RGS7BP: variants seen among roughly 807,000 people sequenced by gnomAD.
RGS7BP encodes the protein regulator of G protein signaling 7 binding protein, also known as regulator of G protein signaling 7-binding protein.
Under a neutral mutation model 31.3 loss-of-function variants are expected in RGS7BP, and 9 were observed. The observed-to-expected ratio is 0.29, with a 90% CI of 0.17 to 0.50. The LOEUF (loss-of-function observed/expected upper bound fraction) is 0.50, where lower values mean the gene tolerates loss of function less well. RGS7BP is among the 20% of genes least tolerant of loss of function. RGS7BP has a pLI of 0.98. For synonymous variants in RGS7BP, 115 were observed against 120.1 expected (o/e 0.96, Z 0.28); for missense variants, 274 against 322.0 (o/e 0.85, Z 1.14).
intron 2 of RGS7BP, among the ~76,000 whole-genome samples, chr5:64,571,645 C>G (rs1742304339): frequency 6.6e-6 from 1 of 151,920 alleles, no homozygotes; most frequent in Non-Finnish European, 1.5e-5. Flanking sequence ...CTTTTTGAAC[C>G]ACAAAATAAG....
chr5:64,556,417 C>CCCCACACACA (rs1554055931), intron 2 of RGS7BP, among the ~76,000 whole-genome samples: 1 of 125,398 alleles, frequency 8.0e-6, no homozygotes, highest in African/African-American at 3.0e-5. Context: ...TCTTCCCCAG[C>CCCCACACACA]CACACACACA....
chr5:64,517,196 A>C (rs1389596661), intron 2 of RGS7BP, among the ~76,000 whole-genome samples: 1 of 152,134 alleles, frequency 6.6e-6, no homozygotes, highest in Non-Finnish European at 1.5e-5. Context: ...AGAAGGAGGA[A>C]GAAAAGAGGA....
chr5:64,507,884 G>C lies in RGS7BP; in HGVS notation c.332+7G>C. ...AATTGGCTGCCATCTCAGGGTAGGAGACTCGGCATTATTTGGTAATCCATA... is the reference window on the plus strand; with the variant it reads ...AATTGGCTGCCATCTCAGGGTAGGACACTCGGCATTATTTGGTAATCCATA... On this transcript the variant is annotated splice_region_variant and intron_variant, in intron 2 of 5. Coordinates refer to ENST00000334025, the MANE Select transcript of RGS7BP (RefSeq NM_001029875.3). 6.2e-7 allele frequency: 1 copy of C among 1,608,816 alleles called. No homozygotes were observed. Among genetic ancestry groups the C allele is most frequent in the Non-Finnish European group, 8.5e-7 (1 of 1,177,186 alleles).
At chr5:64,556,462 A>AC (rs1741930881) in intron 2 of RGS7BP, among the ~76,000 whole-genome samples, 2 of 140,870 alleles carry the variant, frequency 1.4e-5, no homozygotes, top group South Asian at 2.4e-4. Flanking sequence ...CACACACACA[A>AC]AATTGGCTTC....
At chr5:64,524,872 G>A (rs914307680) in intron 2 of RGS7BP, among the ~76,000 whole-genome samples, 8 of 151,984 alleles carry the variant, frequency 5.3e-5, no homozygotes, top group African/African-American at 1.9e-4. Context: ...ATCCAGGCAC[G>A]GGGCTTGTCT....
Position 64,610,761 on chromosome 5 carries a change from A to G in RGS7BP, c.*1509A>G, listed in dbSNP as rs1743482468. Reference sequence around the variant, plus strand: ...AATTATATGAAATTTCCTATATGTGACTGTTTTGACCTACAAAATGGCAAT... The same window carrying G: ...AATTATATGAAATTTCCTATATGTGGCTGTTTTGACCTACAAAATGGCAAT... On this transcript the variant is annotated 3_prime_UTR_variant, in exon 6 of 6. Coordinates refer to ENST00000334025, the MANE Select transcript of RGS7BP (RefSeq NM_001029875.3). 2 of 151,964 alleles carry G rather than the reference A, an allele frequency of 1.3e-5. No homozygotes were observed. Among genetic ancestry groups the G allele is most frequent in the Non-Finnish European group, 2.9e-5 (2 of 67,928 alleles). 9.4% of individuals were successfully genotyped at this position (151,964 alleles called of 1,614,324 possible).
At chr5:64,544,157 A>T (rs190937784) in intron 2 of RGS7BP, among the ~76,000 whole-genome samples, 5 of 152,228 alleles carry the variant, frequency 3.3e-5, no homozygotes, top group African/African-American at 7.2e-5. Context: ...CAGGCATTGT[A>T]TTAAGCACCG....
In RGS7BP at chr5:64,575,666, G is replaced by C; in HGVS notation, c.333-108G>C. On this transcript the variant is annotated intron_variant, in intron 2 of 5. Coordinates refer to ENST00000334025, the MANE Select transcript of RGS7BP (RefSeq NM_001029875.3). ...GGAAGTCCTATATTTTAGGATCAAGGCTTTAAGGAATCTTTATTGAGCATT... is the reference window on the plus strand; with the variant it reads ...GGAAGTCCTATATTTTAGGATCAAGCCTTTAAGGAATCTTTATTGAGCATT... The C allele has an allele frequency of 2.1e-6, 3 of 1,452,466 alleles. No individual in the cohort carries two copies. In the South Asian group the frequency reaches 4.6e-5, roughly 22 times the overall value. The allele number at this position is 1,452,466 out of a possible 1,614,324, so 90.0% of individuals were successfully genotyped here.
intron 3 of RGS7BP, among the ~76,000 whole-genome samples, chr5:64,577,622 T>C (rs1742471614): frequency 6.6e-6 from 1 of 152,158 alleles, no homozygotes; most frequent in Admixed American, 6.5e-5. Flanking sequence ...ACTTCTGTTA[T>C]TAATATAAGA....
chr5:64,590,779 TAAAC>T (rs1000993431), intron 3 of RGS7BP, among the ~76,000 whole-genome samples: 15 of 152,002 alleles, frequency 9.9e-5, no homozygotes, highest in African/African-American at 2.9e-4. Flanking sequence ...GCCACAAGGA[TAAAC>T]AAATAAATAT....
At position 64,594,763 on chromosome 5, in the gene RGS7BP, G is replaced by A. The variant is rs759836886; in HGVS notation, c.517G>A (p.Ala173Thr). 10 of 1,613,672 alleles carry A rather than the reference G, an allele frequency of 6.2e-6. No homozygotes were observed. In the East Asian group the frequency reaches 2.2e-4, roughly 36 times the overall value. ...TTTGGATTGCAAAATTGAGGAGAGT[G>A]CTGAAACACCTGCCCTAGAAGACTC... is the stretch of plus-strand genomic sequence containing the variant. ...KSLDCKIEESAETPALEDSSS... is the reference protein window; with the variant it reads ...KSLDCKIEESTETPALEDSSS... Residue 173 changes from alanine (A) to threonine (T), a missense_variant, in exon 4 of 6, where the codon GCT becomes ACT. This residue lies in a region of RGS7BP where 112 missense variants were observed against 130.9 expected (regional missense o/e 0.86). Coordinates refer to ENST00000334025, the MANE Select transcript of RGS7BP (RefSeq NM_001029875.3).
intron 2 of RGS7BP, among the ~76,000 whole-genome samples, chr5:64,545,098 C>A (rs1741621819): frequency 6.6e-6 from 1 of 151,882 alleles, no homozygotes; most frequent in Non-Finnish European, 1.5e-5. Context: ...ATAGCTTGAA[C>A]CCAGGAAGAA....
At chr5:64,562,357 T>C (rs1045743316) in intron 2 of RGS7BP, among the ~76,000 whole-genome samples, 7 of 152,142 alleles carry the variant, frequency 4.6e-5, no homozygotes, top group Non-Finnish European at 5.9e-5. Flanking sequence ...TTCTGCTTGT[T>C]ATGACCTTAT....
intron 3 of RGS7BP, among the ~76,000 whole-genome samples, chr5:64,581,160 C>G (rs1045767294): frequency 1.3e-5 from 2 of 152,088 alleles, no homozygotes; most frequent in African/African-American, 2.4e-5. Flanking sequence ...CTGTAGCGAG[C>G]CAAGATCACA....
rs1254025681 is a variant in RGS7BP at position 64,612,255 on chromosome 5, A to G, written c.*3003A>G. On this transcript the variant is annotated 3_prime_UTR_variant, in exon 6 of 6. Transcript: ENST00000334025. ...GGGCCCAAAGGCACTTTTGGGTAAG[A>G]TAAGTGAAGAAATGCCCACAAGGCC... 3 of 152,254 alleles carry G rather than the reference A, an allele frequency of 2.0e-5. No homozygotes were observed. In the East Asian group the frequency reaches 5.8e-4, roughly 29 times the overall value. The allele number at this position is 152,254 out of a possible 1,614,324, so 9.4% of individuals were successfully genotyped here.
chr5:64,578,582 C>T (rs1742498885), intron 3 of RGS7BP, among the ~76,000 whole-genome samples: 1 of 152,178 alleles, frequency 6.6e-6, no homozygotes, highest in Non-Finnish European at 1.5e-5. Context: ...TCACACCCCA[C>T]CCTCCGTATA....
At chr5:64,563,024 C>G (rs1409709366) in intron 2 of RGS7BP, among the ~76,000 whole-genome samples, 2 of 152,016 alleles carry the variant, frequency 1.3e-5, no homozygotes, top group East Asian at 3.9e-4. Flanking sequence ...GTCTCCCCAG[C>G]TGCTCCTTTT....
intron 2 of RGS7BP, among the ~76,000 whole-genome samples, chr5:64,529,956 A>G (rs1285407702): frequency 6.6e-6 from 1 of 152,220 alleles, no homozygotes; most frequent in Non-Finnish European, 1.5e-5. Flanking sequence ...TCTATACTTC[A>G]GGACTTCTAT....
At chr5:64,514,490 C>T (rs540126870) in intron 2 of RGS7BP, among the ~76,000 whole-genome samples, 2 of 152,070 alleles carry the variant, frequency 1.3e-5, no homozygotes, top group Non-Finnish European at 2.9e-5. Context: ...ATCCCAGGGC[C>T]CAATGTTTAA....
Sources: gnomAD v4.1 joint callset for allele counts (sites outside exome capture counted in the v4.1 genomes callset) on GRCh38, gnomAD v4.1.1 for gene constraint, gnomAD v4.1.1 regional missense constraint, MANE v1.5 for transcripts, NCBI Gene and HGNC (gene_info 2026-07-23, HGNC 2026-07-21) for gene names.